The following CNNM4 variants were observed in gnomAD, a reference collection of about 807,000 sequenced individuals.
CNNM4 encodes the protein cyclin and CBS domain divalent metal cation transport mediator 4.
CNNM4 carries 32 observed loss-of-function variants against 53.7 expected under a neutral mutation model. That is an observed-to-expected ratio of 0.60 (90% confidence interval 0.45 to 0.80). The LOEUF is 0.80. Ranked by LOEUF, CNNM4 falls within the 30% of genes least tolerant of loss-of-function variation. The pLI, the probability that CNNM4 is intolerant of heterozygous loss-of-function variation, is 0.00. For synonymous variants in CNNM4, 410 were observed against 440.0 expected (o/e 0.93, Z 0.85); for missense variants, 784 against 1,022.0 (o/e 0.77, Z 3.17).
At chr2:96,792,782 G>T (rs184872532) in intron 1 of CNNM4, among the ~76,000 whole-genome samples, 2 of 151,832 alleles carry the variant, frequency 1.3e-5, no homozygotes, top group East Asian at 3.9e-4. Flanking sequence ...CCAGCCTGGC[G>T]ACAGAGCAAG....
intron 5 of CNNM4, among the ~76,000 whole-genome samples, chr2:96,806,138 C>T (rs948906944): frequency 1.3e-5 from 2 of 148,374 alleles, no homozygotes; most frequent in Non-Finnish European, 3.0e-5. Flanking sequence ...GCTGACCCCC[C>T]CACCGCCCTC....
Position 96,761,791 on chromosome 2 carries a change from C to T in CNNM4, c.792C>T (p.Leu264=). ...NTSLTILLDN[L]IGSGLMAVAS... ...CCCTCACAATCCTTCTAGACAACCT[C>T]ATCGGGTCCGGCCTCATGGCGGTGG... is the stretch of plus-strand genomic sequence containing the variant. The change falls in exon 1 of 7, where the codon CTC becomes CTT. Residue 264 remains leucine, a synonymous_variant. Transcript: ENST00000377075. The surrounding 1 kb of genome is among the most constrained non-coding windows in gnomAD (Gnocchi z 6.0). 6.2e-7 allele frequency: 1 copy of T among 1,613,552 alleles called. No homozygotes were observed. The highest frequency in any genetic ancestry group is 8.5e-7 in the Non-Finnish European group (1 of 1,180,032).
At chr2:96,774,778 A>G (rs1186225976) in intron 1 of CNNM4, among the ~76,000 whole-genome samples, 3 of 152,038 alleles carry the variant, frequency 2.0e-5, no homozygotes, top group Non-Finnish European at 4.4e-5. Flanking sequence ...AGCCTGACCA[A>G]CATGGCAAAA....
rs974386434 is a variant in CNNM4 at position 96,797,714 on chromosome 2, G to A, written c.1681+67G>A. 7.5e-6 allele frequency: 12 copies of A among 1,597,942 alleles called. No homozygotes were observed. Among genetic ancestry groups the A allele is most frequent in the African/African-American group, 5.4e-5 (4 of 74,742 alleles). ...CACGGGGGAGAAGTCCTGGGTTTCCGGCTGCTTTCCCCCCATAGGACGAGG... is the reference window on the plus strand; with the variant it reads ...CACGGGGGAGAAGTCCTGGGTTTCCAGCTGCTTTCCCCCCATAGGACGAGG... On this transcript the variant is annotated intron_variant, in intron 3 of 6. Coordinates refer to ENST00000377075, the MANE Select transcript of CNNM4 (RefSeq NM_020184.4). The surrounding 1 kb of genome is among the most constrained non-coding windows in gnomAD (Gnocchi z 6.0).
At chr2:96,806,951 T>A (rs2079214591) in intron 5 of CNNM4, among the ~76,000 whole-genome samples, 1 of 152,154 alleles carries the variant, frequency 6.6e-6, no homozygotes, top group Admixed American at 6.5e-5. Context: ...CTGGCTGGGT[T>A]GCAGGTGGAA....
intron 1 of CNNM4, among the ~76,000 whole-genome samples, chr2:96,795,493 C>CA (rs1033833544): frequency 5.3e-5 from 8 of 152,146 alleles, no homozygotes; most frequent in African/African-American, 1.9e-4. Context: ...CAGTACCCCC[C>CA]CCCCCATCAC....
At chr2:96,799,772 C>A in intron 5 of CNNM4, 124 bp downstream of exon 5, 1 of 885,466 alleles carries the variant, frequency 1.1e-6, no homozygotes, top group Non-Finnish European at 1.8e-6. Context: ...CAGAGGGAGG[C>A]TGGTGAGGCG....
chr2:96,773,089 G>A (rs1333978201), intron 1 of CNNM4, among the ~76,000 whole-genome samples: 2 of 152,224 alleles, frequency 1.3e-5, no homozygotes, highest in Non-Finnish European at 2.9e-5. Flanking sequence ...ATGCATACAT[G>A]GACTGTCACC....
intron 1 of CNNM4, among the ~76,000 whole-genome samples, chr2:96,772,461 C>T (rs2078884347): frequency 7.3e-6 from 1 of 137,396 alleles, no homozygotes; most frequent in African/African-American, 2.8e-5. Flanking sequence ...CCCACATAGG[C>T]ACAGGCAGGC....
intron 1 of CNNM4, among the ~76,000 whole-genome samples, chr2:96,764,619 C>T (rs2078796593): frequency 6.6e-6 from 1 of 152,202 alleles, no homozygotes; most frequent in Admixed American, 6.5e-5. Context: ...TCTTCCAGAC[C>T]TTCCAATCTG....
At chr2:96,777,157 A>G (rs1314443438) in intron 1 of CNNM4, among the ~76,000 whole-genome samples, 1 of 151,918 alleles carries the variant, frequency 6.6e-6, no homozygotes, top group African/African-American at 2.4e-5. Context: ...AGTAGCTGGG[A>G]CTACAGGAGC....
intron 6 of CNNM4, 56 bp from the exon 7 acceptor site, chr2:96,809,264 T>G: frequency 6.2e-7 from 1 of 1,606,882 alleles, no homozygotes. Context: ...CCAGGCCTGG[T>G]GATAGGGTCT....
intron 1 of CNNM4, among the ~76,000 whole-genome samples, chr2:96,791,344 G>A (rs2079060689): frequency 6.6e-6 from 1 of 151,262 alleles, no homozygotes; most frequent in African/African-American, 2.4e-5. Flanking sequence ...TTTTGGGGGT[G>A]GCATCGGCTG....
intron 1 of CNNM4, among the ~76,000 whole-genome samples, chr2:96,785,645 CAT>C (rs955004485): frequency 2.7e-5 from 4 of 149,936 alleles, no homozygotes; most frequent in African/African-American, 9.8e-5. Context: ...AAAAAGAAAA[CAT>C]AAAAAAATTA....
At chr2:96,789,622 G>A (rs2153347768) in intron 1 of CNNM4, among the ~76,000 whole-genome samples, 1 of 152,340 alleles carries the variant, frequency 6.6e-6, no homozygotes. Flanking sequence ...GCAGTGCTTG[G>A]AAAGGGCTTG....
rs2078763764 is a variant in CNNM4 at position 96,761,589 on chromosome 2, G to A, written c.590G>A (p.Gly197Asp). ...LLITVLLVLS[G>D]IFSGLNLGLM... ...ATTACGGTGCTGCTGGTGCTGTCGG[G>A]CATATTTTCTGGCCTCAACCTCGGG... Residue 197 changes from glycine (G) to aspartate (D), a missense_variant, in exon 1 of 7, where the codon GGC becomes GAC. Physicochemically the swap from Gly to Asp is moderately conservative, Grantham distance 94. Transcript: ENST00000377075. The surrounding 1 kb of genome is among the most constrained non-coding windows in gnomAD (Gnocchi z 6.0). 1 of 1,614,002 alleles carries A rather than the reference G, an allele frequency of 6.2e-7. No individual in the cohort carries two copies. The highest frequency in any genetic ancestry group is 8.5e-7 in the Non-Finnish European group (1 of 1,180,016).
chr2:96,803,713 C>T (rs371186973), intron 5 of CNNM4, among the ~76,000 whole-genome samples: 2 of 141,966 alleles, frequency 1.4e-5, no homozygotes, highest in Admixed American at 6.9e-5. Context: ...GCAACAAGAG[C>T]GAAACTCTGT....
At chr2:96,772,558 TAC>T (rs1558982420) in intron 1 of CNNM4, among the ~76,000 whole-genome samples, 1 of 46,912 alleles carries the variant, frequency 2.1e-5, no homozygotes, top group South Asian at 7.8e-4. Flanking sequence ...TGCACACACA[TAC>T]ACACTCATAC....
chr2:96,765,436 C>T (rs1473520585), intron 1 of CNNM4, among the ~76,000 whole-genome samples: 1 of 151,948 alleles, frequency 6.6e-6, no homozygotes, highest in Non-Finnish European at 1.5e-5. Flanking sequence ...TTTCAGCTGG[C>T]ATTGTTAACA....
Sources: gnomAD v4.1 joint callset for allele counts (sites outside exome capture counted in the v4.1 genomes callset) on GRCh38, gnomAD v4.1.1 for gene constraint, Gnocchi (gnomAD v3.1) non-coding constraint, MANE v1.5 for transcripts, NCBI Gene and HGNC (gene_info 2026-07-23, HGNC 2026-07-21) for gene names.